The following ZNF397 variants were observed in gnomAD, a reference collection of about 807,000 sequenced individuals.
ZNF397 encodes zinc finger and SCAN domain-containing protein 15.
In ZNF397, 38 loss-of-function variants were observed where a neutral mutation model predicts 50.6. The ratio of observed to expected loss-of-function variants is 0.75; its 90% CI spans 0.58 to 0.98. ZNF397 has a LOEUF of 0.98. Among genes scored for constraint, ZNF397 ranks in the 50% least tolerant of loss-of-function variants. ZNF397 has a pLI of 0.00. For synonymous variants in ZNF397, 228 were observed against 215.2 expected (o/e 1.06, Z -0.52); for missense variants, 624 against 624.1 (o/e 1.00, Z 0.00).
downstream of ZNF397, chr18:35,253,165 CAG>C (rs1190818539): frequency 7.7e-6 from 2 of 259,496 alleles, no homozygotes; most frequent in Admixed American, 4.8e-5. Context: ...TCTGAGTTGG[CAG>C]AGAGTGGAGT....
chr18:35,243,056 C>G, intron 2 of ZNF397, 96 bp from the exon 3 acceptor site: 1 of 1,564,946 alleles, frequency 6.4e-7, no homozygotes, highest in East Asian at 2.2e-5. Context: ...TGTCCTTCAT[C>G]CCTGGAGATG....
chr18:35,255,537 T>C (rs1367670988), intron 5 of ZNF397, among the ~76,000 whole-genome samples: 2 of 152,128 alleles, frequency 1.3e-5, no homozygotes, highest in Non-Finnish European at 1.5e-5. Flanking sequence ...CTATCTGCCT[T>C]CCATATTGGA....
downstream of ZNF397, chr18:35,253,227 GA>G: frequency 2.4e-6 from 1 of 423,530 alleles, no homozygotes; most frequent in South Asian, 5.7e-5. Flanking sequence ...GCATTTCAAG[GA>G]AATATCTACC....
Position 35,241,278 on chromosome 18 carries a change from C to CTGT in ZNF397, c.-81+170_-81+171insGTT, listed in dbSNP as rs1383790808. ...GAGGAGGCCAGCACTCAAACTCCTG[C>CTGT]TTTCCAAAGGAAAACGCAGTTCCGC... On this transcript the variant is annotated intron_variant, in intron 1 of 3. Coordinates refer to ENST00000330501, the MANE Select transcript of ZNF397 (RefSeq NM_001135178.3). 5 of 152,362 alleles carry CTGT rather than the reference C, an allele frequency of 3.3e-5. No homozygotes were observed. In the South Asian group the frequency reaches 6.2e-4, roughly 19 times the overall value. 9.4% of individuals were successfully genotyped at this position (152,362 alleles called of 1,614,324 possible).
At chr18:35,243,686 T>G (rs1912706467) in intron 3 of ZNF397, 1 of 406,548 alleles carries the variant, frequency 2.5e-6, no homozygotes, top group South Asian at 3.4e-5. Flanking sequence ...TAACCCAATC[T>G]TAGAGGATCA....
rs1280443235 is a variant in ZNF397, at chr18:35,245,919, C to T, written c.1214C>T (p.Thr405Ile). 23 of 1,571,706 alleles carry T rather than the reference C, an allele frequency of 1.5e-5. No individual in the cohort carries two copies. The highest frequency in any genetic ancestry group is 1.8e-5 in the Non-Finnish European group (21 of 1,158,410). The change falls in exon 4 of 4, where the codon ACC becomes ATC. Residue 405 changes from threonine (T) to isoleucine (I), a missense_variant. Thr to Ile is a moderately conservative substitution (Grantham distance 89). Coordinates refer to ENST00000330501, the MANE Select transcript of ZNF397 (RefSeq NM_001135178.3). ...TATGAGTGTAATGAATGTGGGAAAA[C>T]CTTTAGCCAGAGCTCAAAACTCATT... is the stretch of plus-strand genomic sequence containing the variant. ...KPYECNECGKTFSQSSKLIRH... is the reference protein window; with the variant it reads ...KPYECNECGKIFSQSSKLIRH...
At chr18:35,256,938 T>G (rs2043845792) in intron 5 of ZNF397, 1 of 152,886 alleles carries the variant, frequency 6.5e-6, no homozygotes, top group Admixed American at 6.5e-5. Context: ...TGCATCCAGT[T>G]AATTAAAAAA....
chr18:35,249,728 TA>T lies in ZNF397; in HGVS notation c.*3423del, dbSNP rs2043546101. 1 of 148,926 alleles carries T rather than the reference TA, an allele frequency of 6.7e-6. No individual in the cohort carries two copies. Among genetic ancestry groups the T allele is most frequent in the African/African-American group, 2.5e-5 (1 of 40,558 alleles). The allele number at this position is 148,926 out of a possible 1,614,324, so 9.2% of individuals were successfully genotyped here. On this transcript the variant is annotated 3_prime_UTR_variant, in exon 4 of 4. Coordinates refer to ENST00000330501, the MANE Select transcript of ZNF397 (RefSeq NM_001135178.3). ...GAAGTATTCATGATATATTGTTAAG[TA>T]AAAATATTACAAAACAATATGTACA... is the stretch of plus-strand genomic sequence containing the variant.
chr18:35,251,117 G>A (rs1442848110), downstream of ZNF397: 1 of 152,050 alleles, frequency 6.6e-6, no homozygotes, highest in South Asian at 2.1e-4. Flanking sequence ...AATAATAAAC[G>A]GTTGAAGTAT....
Position 35,245,489 on chromosome 18 carries a change from G to A in ZNF397, c.784G>A (p.Ala262Thr). Residue 262 changes from alanine (A) to threonine (T), a missense_variant, in exon 4 of 4, where the codon GCT becomes ACT. Physicochemically the swap from Ala to Thr is moderately conservative, Grantham distance 58. Coordinates refer to ENST00000330501, the MANE Select transcript of ZNF397 (RefSeq NM_001135178.3). Reference sequence around the variant, plus strand: ...AGGAAAGAGAGACCTTTATGATGAGGCTGAAAGATGCTTGATTCTAACTAC... The same window carrying A: ...AGGAAAGAGAGACCTTTATGATGAGACTGAAAGATGCTTGATTCTAACTAC... Reference protein sequence around the residue: ...SLGKRDLYDEAERCLILTTDS... With the variant: ...SLGKRDLYDETERCLILTTDS... 3 of 1,552,466 alleles carry A rather than the reference G, an allele frequency of 1.9e-6. No homozygotes were observed. Among genetic ancestry groups the A allele is most frequent in the Non-Finnish European group, 2.6e-6 (3 of 1,147,222 alleles).
chr18:35,253,684 T>C, downstream of ZNF397: 1 of 1,614,162 alleles, frequency 6.2e-7, no homozygotes, highest in Non-Finnish European at 8.5e-7. Flanking sequence ...CCTTACCACA[T>C]GCAATACATT....
downstream of ZNF397, among the ~76,000 whole-genome samples, chr18:35,250,279 AGAT>A (rs577476767): frequency 1.2e-3 from 186 of 152,340 alleles, no homozygotes; most frequent in African/African-American, 4.3e-3. Context: ...GAGCTGATGT[AGAT>A]GATCTCTTAT....
chr18:35,241,294 G>C (rs891930841), intron 1 of ZNF397, 185 bp downstream of exon 1: 1 of 152,244 alleles, frequency 6.6e-6, no homozygotes, highest in Non-Finnish European at 1.5e-5. Context: ...AAAGGAAAAC[G>C]CAGTTCCGCT....
chr18:35,253,689 T>C, downstream of ZNF397: 1 of 1,614,132 alleles, frequency 6.2e-7, no homozygotes, highest in Non-Finnish European at 8.5e-7. Context: ...CCACATGCAA[T>C]ACATTCATAG....
rs1569044064 is a variant in ZNF397, at chr18:35,245,513, A to G, written c.808A>G (p.Thr270Ala). The G allele has an allele frequency of 1.3e-6, 2 of 1,552,442 alleles. No homozygotes were observed. Reference sequence around the variant, plus strand: ...GGCTGAAAGATGCTTGATTCTAACTACAGACTCTATAATGTGTCAGAAAGT... The same window carrying G: ...GGCTGAAAGATGCTTGATTCTAACTGCAGACTCTATAATGTGTCAGAAAGT... ...DEAERCLILT[T>A]DSIMCQKVPP... Residue 270 changes from threonine (T) to alanine (A), a missense_variant, in exon 4 of 4, where the codon ACA becomes GCA. Coordinates refer to ENST00000330501, the MANE Select transcript of ZNF397 (RefSeq NM_001135178.3).
intron 3 of ZNF397, among the ~76,000 whole-genome samples, chr18:35,244,967 T>A (rs1051375339): frequency 6.6e-6 from 1 of 152,174 alleles, no homozygotes; most frequent in African/African-American, 2.4e-5. Context: ...CACTTAAGCT[T>A]ATTTAAAAGC....
chr18:35,243,357 A>T, intron 3 of ZNF397, 64 bp downstream of exon 3: 1 of 1,611,696 alleles, frequency 6.2e-7, no homozygotes, highest in Non-Finnish European at 8.5e-7. Context: ...AGAATGCAGA[A>T]TTAATTGCAC....
rs2043490017 is a variant in ZNF397, at chr18:35,246,753, G to A, written c.*443G>A. On this transcript the variant is annotated 3_prime_UTR_variant, in exon 4 of 4. Coordinates refer to ENST00000330501, the MANE Select transcript of ZNF397 (RefSeq NM_001135178.3). Reference sequence around the variant, plus strand: ...CCCAATAAAGAACAGTGACAGAGCAGCAGGAAAGGTGGGGAAATGGCTTCA... The same window carrying A: ...CCCAATAAAGAACAGTGACAGAGCAACAGGAAAGGTGGGGAAATGGCTTCA... 2 of 987,840 alleles carry A rather than the reference G, an allele frequency of 2.0e-6. No homozygotes were observed. The highest frequency in any genetic ancestry group is 9.3e-5 in the South Asian group (2 of 21,406). 61.2% of individuals were successfully genotyped at this position (987,840 alleles called of 1,614,324 possible).
In ZNF397 at chr18:35,256,546, CAAAAA is replaced by C. The variant is rs2043825238; in HGVS notation, c.818-1381_818-1377del. Among the ~76,000 whole-genome samples, 4 of 148,166 alleles carry C rather than the reference CAAAAA, an allele frequency of 2.7e-5. No homozygotes were observed. In the South Asian group the frequency reaches 8.5e-4, roughly 31 times the overall value. Reference sequence around the variant, plus strand: ...ACTGCATGACAGAACAAGACTGTCTCAAAAAGAAAAAAAAAAAGATTACAATAAGA... The same window carrying C: ...ACTGCATGACAGAACAAGACTGTCTCGAAAAAAAAAAAGATTACAATAAGA... On this transcript the variant is annotated intron_variant, in intron 5 of 5. Transcript: ENST00000261333.
Sources: gnomAD v4.1 joint callset for allele counts (sites outside exome capture counted in the v4.1 genomes callset) on GRCh38, gnomAD v4.1.1 for gene constraint, MANE v1.5 for transcripts, NCBI Gene and HGNC (gene_info 2026-07-23, HGNC 2026-07-21) for gene names.